The following HTR4 variants were observed in gnomAD, a reference collection of about 807,000 sequenced individuals.
HTR4 encodes 5-hydroxytryptamine (serotonin) receptor 4, G protein-coupled.
A neutral mutation model predicts 36.8 loss-of-function variants in HTR4; 16 were observed. The ratio of observed to expected loss-of-function variants is 0.43; its 90% confidence interval spans 0.29 to 0.66. HTR4 has a LOEUF of 0.66. Ranked by LOEUF, HTR4 falls within the 30% of genes least tolerant of loss-of-function variation. The pLI is 0.13. For synonymous variants in HTR4, 189 were observed against 185.1 expected (o/e 1.02, Z -0.17); for missense variants, 438 against 490.9 (o/e 0.89, Z 1.02).
intron 2 of HTR4, among the ~76,000 whole-genome samples, chr5:148,603,472 T>C (rs188008510): frequency 1.3e-5 from 2 of 152,156 alleles, no homozygotes; most frequent in East Asian, 3.9e-4. Context: ...ATATCAAAAA[T>C]GGGCAAAGAT....
Position 148,508,409 on chromosome 5 carries a change from A to G in HTR4, c.1076+1047T>C, listed in dbSNP as rs73266482. Among the ~76,000 whole-genome samples, 588 of 152,312 alleles carry G rather than the reference A, an allele frequency of 3.9e-3. 1 individual carries two copies. Among genetic ancestry groups the G allele is most frequent in the African/African-American group, 0.014 (563 of 41,560 alleles). On this transcript the variant is annotated intron_variant, in intron 6 of 6. Transcript: ENST00000377888. ...AAAGTCTCAGGGTTTGGAAAGAGGT[A>G]CCATAACTAGACACTGAACATTTAA...
chr5:148,489,449 G>T (rs1208793522), intron 6 of HTR4, among the ~76,000 whole-genome samples: 1 of 152,060 alleles, frequency 6.6e-6, no homozygotes, highest in Non-Finnish European at 1.5e-5. Context: ...CAGTGAGTCA[G>T]GTACATAAAG....
intron 1 of HTR4, among the ~76,000 whole-genome samples, chr5:148,652,907 A>G (rs1197805817): frequency 6.6e-6 from 1 of 152,142 alleles, no homozygotes; most frequent in Non-Finnish European, 1.5e-5. Context: ...ACACTTGTAT[A>G]TTTCCTAGGT....
chr5:148,625,980 A>T (rs1401528511), intron 2 of HTR4, among the ~76,000 whole-genome samples: 1 of 151,632 alleles, frequency 6.6e-6, no homozygotes, highest in African/African-American at 2.4e-5. Flanking sequence ...CTCTACTCAT[A>T]GCCTATTCCC....
chr5:148,524,048 C>G (rs561566479), intron 4 of HTR4, among the ~76,000 whole-genome samples: 25 of 152,010 alleles, frequency 1.6e-4, no homozygotes, highest in African/African-American at 5.3e-4. Flanking sequence ...CCCATCCCTG[C>G]CATGCTGAAT....
chr5:148,481,778 C>T lies in HTR4; in HGVS notation c.*1425G>A, dbSNP rs1326239955. ...TGGCTCTGGGTTTGGCATTTACCTT[C>T]CCGGGACTTCTGCTATGGGGCATTC... is the stretch of plus-strand genomic sequence containing the variant. On this transcript the variant is annotated 3_prime_UTR_variant, in exon 7 of 7. Coordinates refer to ENST00000377888, the MANE Select transcript of HTR4 (RefSeq NM_000870.7). 7.1e-7 allele frequency: 1 copy of T among 1,402,622 alleles called. No homozygotes were observed. The highest frequency in any genetic ancestry group is 1.5e-5 in the African/African-American group (1 of 68,854). 86.9% of individuals were successfully genotyped at this position (1,402,622 alleles called of 1,614,324 possible). A position where few individuals can be genotyped will look rare whatever the true frequency, so the allele number is the denominator to read the frequency against.
At chr5:148,614,426 T>C (rs1307086751) in intron 2 of HTR4, among the ~76,000 whole-genome samples, 1 of 152,156 alleles carries the variant, frequency 6.6e-6, no homozygotes, top group Non-Finnish European at 1.5e-5. Flanking sequence ...AAACAAGCAA[T>C]GGGGAAGGAT....
intron 5 of HTR4, among the ~76,000 whole-genome samples, chr5:148,464,605 G>A (rs1232963081): frequency 6.6e-6 from 1 of 152,168 alleles, no homozygotes; most frequent in Non-Finnish European, 1.5e-5. Flanking sequence ...CAAGAATGAG[G>A]AGCAACAGTA....
chr5:148,473,028 G>C (rs755175163), downstream of HTR4, among the ~76,000 whole-genome samples: 9 of 152,146 alleles, frequency 5.9e-5, no homozygotes, highest in Non-Finnish European at 1.2e-4. Flanking sequence ...GGCTGGGCGC[G>C]GTGGCTTGTG....
intron 2 of HTR4, among the ~76,000 whole-genome samples, chr5:148,563,072 C>G (rs1011508788): frequency 6.6e-6 from 1 of 152,214 alleles, no homozygotes; most frequent in Non-Finnish European, 1.5e-5. Context: ...GGCTTGTCAT[C>G]TCACTAGGAG....
At chr5:148,634,455 G>T (rs1350969156) in intron 2 of HTR4, among the ~76,000 whole-genome samples, 1 of 152,182 alleles carries the variant, frequency 6.6e-6, no homozygotes, top group Admixed American at 6.5e-5. Context: ...ACCTCCTTAT[G>T]TCTCAGTTGA....
At chr5:148,641,495 C>A (rs1184871576) in intron 1 of HTR4, among the ~76,000 whole-genome samples, 1 of 152,194 alleles carries the variant, frequency 6.6e-6, no homozygotes, top group African/African-American at 2.4e-5. Context: ...AACTCTTCTA[C>A]CAATGTGAGG....
In HTR4 at chr5:148,481,948, TCGAGGTAGCAGA is replaced by T; in HGVS notation, c.*1243_*1254del. 9.2e-7 allele frequency: 1 copy of T among 1,085,562 alleles called. No individual in the cohort carries two copies. Among genetic ancestry groups the T allele is most frequent in the Non-Finnish European group, 1.1e-6 (1 of 895,702 alleles). 67.2% of individuals were successfully genotyped at this position (1,085,562 alleles called of 1,614,324 possible). On this transcript the variant is annotated 3_prime_UTR_variant, in exon 7 of 7. Transcript: ENST00000377888. Reference sequence around the variant, plus strand: ...CAAAAGGCAGGCAGGCCATGGCTTCTCGAGGTAGCAGACGGCTATAGCAGCATACTGTTGTCT... The same window carrying T: ...CAAAAGGCAGGCAGGCCATGGCTTCTCGGCTATAGCAGCATACTGTTGTCT...
intron 6 of HTR4, among the ~76,000 whole-genome samples, chr5:148,505,140 C>T (rs1453380905): frequency 6.6e-6 from 1 of 152,094 alleles, no homozygotes; most frequent in Non-Finnish European, 1.5e-5. Flanking sequence ...ACTGGCAAAC[C>T]AAATCCAGCA....
chr5:148,643,849 G>C (rs1753797859), intron 1 of HTR4, among the ~76,000 whole-genome samples: 1 of 152,194 alleles, frequency 6.6e-6, no homozygotes, highest in African/African-American at 2.4e-5. Context: ...ATCCACCTCA[G>C]TAGGAGGCTT....
chr5:148,582,700 A>G (rs967089160), intron 2 of HTR4, among the ~76,000 whole-genome samples: 1 of 152,136 alleles, frequency 6.6e-6, no homozygotes, highest in Non-Finnish European at 1.5e-5. Flanking sequence ...GAATGGTGCA[A>G]TTGTGAATGG....
intron 2 of HTR4, among the ~76,000 whole-genome samples, chr5:148,584,584 C>G (rs1165151494): frequency 6.6e-6 from 1 of 152,200 alleles, no homozygotes; most frequent in African/African-American, 2.4e-5. Context: ...ACTGCAGACA[C>G]TGATAACTAC....
chr5:148,535,233 T>C (rs1758757713), intron 4 of HTR4, among the ~76,000 whole-genome samples: 1 of 151,948 alleles, frequency 6.6e-6, no homozygotes, highest in Admixed American at 6.5e-5. Context: ...GTCTATTGAC[T>C]GTATTCAATC....
intron 2 of HTR4, among the ~76,000 whole-genome samples, chr5:148,611,344 C>G (rs1443653423): frequency 6.6e-6 from 1 of 152,008 alleles, no homozygotes; most frequent in Non-Finnish European, 1.5e-5. Flanking sequence ...AGAAACTCTA[C>G]AAGCCAGAAG....
Sources: gnomAD v4.1 joint callset for allele counts (sites outside exome capture counted in the v4.1 genomes callset) on GRCh38, gnomAD v4.1.1 for gene constraint, MANE v1.5 for transcripts, NCBI Gene and HGNC (gene_info 2026-07-23, HGNC 2026-07-21) for gene names.